HHLA2: variants seen among roughly 807,000 people sequenced by gnomAD.
HHLA2 encodes the protein HHLA2 member of B7 family, also known as HERV-H LTR-associating protein 2.
In HHLA2, 48 loss-of-function variants were observed where a neutral mutation model predicts 45.9. The ratio of observed to expected loss-of-function variants is 1.05; its 90% CI spans 0.83 to 1.33. The LOEUF is 1.33. HHLA2 is among the 40% of genes most tolerant of loss of function. The pLI, the probability that HHLA2 is intolerant of heterozygous loss-of-function variation, is 0.00. For synonymous variants in HHLA2, 161 were observed against 173.9 expected (o/e 0.93, Z 0.59); for missense variants, 462 against 494.3 (o/e 0.93, Z 0.62).
exon 8 of HHLA2, chr3:108,362,369 A>T: frequency 6.2e-7 from 1 of 1,612,766 alleles, no homozygotes; most frequent in Non-Finnish European, 8.5e-7. Flanking sequence ...GCTTCCCATA[A>T]CAAAGGCTTA....
At chr3:108,318,521 G>A (rs534826333) in intron 2 of HHLA2, among the ~76,000 whole-genome samples, 12 of 152,240 alleles carry the variant, frequency 7.9e-5, no homozygotes, top group African/African-American at 1.2e-4. Flanking sequence ...AACAATGCCT[G>A]CACTTAGCTA....
At chr3:108,372,644 A>C (rs2082199865) in intron 8 of HHLA2, among the ~76,000 whole-genome samples, 1 of 152,204 alleles carries the variant, frequency 6.6e-6, no homozygotes, top group Admixed American at 6.5e-5. Flanking sequence ...GATAAAGGGG[A>C]TATCACCACT....
chr3:108,323,333 AT>A (rs201520877), intron 2 of HHLA2, among the ~76,000 whole-genome samples: 5 of 152,290 alleles, frequency 3.3e-5, no homozygotes, highest in East Asian at 3.9e-4. Context: ...CCTATTCTCC[AT>A]GATGTGCTTA....
At chr3:108,360,829 G>T (rs148536911) in intron 7 of HHLA2, among the ~76,000 whole-genome samples, 1 of 152,160 alleles carries the variant, frequency 6.6e-6, no homozygotes, top group Non-Finnish European at 1.5e-5. Flanking sequence ...GGGATAAAGC[G>T]GACTCCTGCG....
chr3:108,302,310 CTG>C (rs1560178100), intron 1 of HHLA2, among the ~76,000 whole-genome samples: 1 of 152,180 alleles, frequency 6.6e-6, no homozygotes, highest in Non-Finnish European at 1.5e-5. Flanking sequence ...TTACTGGAAA[CTG>C]TAAATATTTT....
intron 2 of HHLA2, among the ~76,000 whole-genome samples, chr3:108,323,444 C>G (rs931424572): frequency 6.6e-6 from 1 of 151,932 alleles, no homozygotes; most frequent in African/African-American, 2.4e-5. Flanking sequence ...AAGAAAAATC[C>G]CTTCCCTAAA....
intron 3 of HHLA2, among the ~76,000 whole-genome samples, chr3:108,347,497 G>C (rs1194145599): frequency 1.3e-5 from 2 of 152,104 alleles, no homozygotes; most frequent in Non-Finnish European, 2.9e-5. Flanking sequence ...TTAAAGGCTT[G>C]GGATGCTAGG....
chr3:108,353,371 C>A, intron 4 of HHLA2, 56 bp from the exon 4 acceptor site: 1 of 1,172,158 alleles, frequency 8.5e-7, no homozygotes, highest in Non-Finnish European at 1.2e-6. Context: ...CTGGTATAAT[C>A]CTGAACAAGC....
intron 6 of HHLA2, among the ~76,000 whole-genome samples, chr3:108,356,161 C>T (rs2081888236): frequency 6.6e-6 from 1 of 151,138 alleles, no homozygotes; most frequent in African/African-American, 2.4e-5. Context: ...TCCTGAGTAG[C>T]TGGGATTACA....
intron 3 of HHLA2, among the ~76,000 whole-genome samples, chr3:108,343,526 T>C (rs182468306): frequency 6.6e-6 from 1 of 152,350 alleles, no homozygotes; most frequent in East Asian, 1.9e-4. Flanking sequence ...TTTTAAAGTA[T>C]CACTTAATAA....
chr3:108,358,910 G>A (rs1211820273), intron 7 of HHLA2, among the ~76,000 whole-genome samples: 2 of 152,062 alleles, frequency 1.3e-5, no homozygotes, highest in East Asian at 3.9e-4. Context: ...TTGAAGTTTT[G>A]GTGATTCTAC....
intron 8 of HHLA2, among the ~76,000 whole-genome samples, chr3:108,365,751 A>C (rs184673194): frequency 6.6e-6 from 1 of 152,330 alleles, no homozygotes; most frequent in African/African-American, 2.4e-5. Flanking sequence ...AGCAATTGTG[A>C]ATGGGAGTTC....
rs541700038 is a variant in HHLA2, at chr3:108,377,303, T to A, written c.*25T>A. 35 of 1,560,394 alleles carry A rather than the reference T, an allele frequency of 2.2e-5. 1 individual carries two copies. Among genetic ancestry groups the A allele is most frequent in the Non-Finnish European group, 2.8e-5 (32 of 1,134,690 alleles). On this transcript the variant is annotated 3_prime_UTR_variant, in exon 11 of 11. Transcript: ENST00000619531. ...GGAAATGAGAGAAGACTGTGACAAC[T>A]CATGACCTGCATCCTTAATATCCAG...
intron 2 of HHLA2, among the ~76,000 whole-genome samples, chr3:108,315,023 T>G (rs1468210266): frequency 2.0e-5 from 3 of 152,206 alleles, no homozygotes; most frequent in African/African-American, 7.2e-5. Context: ...CCAAAATTTA[T>G]TTTCAGCTCT....
chr3:108,350,696 C>A (rs1020291318), intron 3 of HHLA2, among the ~76,000 whole-genome samples: 6 of 151,780 alleles, frequency 4.0e-5, no homozygotes, highest in Non-Finnish European at 7.4e-5. Flanking sequence ...TTTATTGTTA[C>A]TTTTTTGAGA....
chr3:108,325,868 T>A (rs1257888221), intron 2 of HHLA2: 4 of 399,940 alleles, frequency 1.0e-5, no homozygotes, highest in African/African-American at 2.1e-5. Context: ...AGAACTACTT[T>A]GACCTCTTTG....
At chr3:108,337,733 A>G (rs2081498025) in intron 3 of HHLA2, among the ~76,000 whole-genome samples, 1 of 152,098 alleles carries the variant, frequency 6.6e-6, no homozygotes, top group South Asian at 2.1e-4. Context: ...TGTATGACAG[A>G]ACCCAGGAAG....
chr3:108,333,366 A>T (rs767352435), intron 3 of HHLA2, among the ~76,000 whole-genome samples: 2 of 152,192 alleles, frequency 1.3e-5, no homozygotes, highest in Non-Finnish European at 2.9e-5. Context: ...TATGAAAAGA[A>T]GTGAATGCCA....
intron 3 of HHLA2, among the ~76,000 whole-genome samples, chr3:108,344,385 AT>A (rs772769796): frequency 9.9e-5 from 15 of 151,990 alleles, no homozygotes; most frequent in South Asian, 4.2e-4. Context: ...ACAATAACTG[AT>A]TTTTTTTCAT....
Sources: allele counts gnomAD v4.1 joint callset (sites outside exome capture counted in the v4.1 genomes callset), GRCh38; gene constraint gnomAD v4.1.1; transcripts MANE v1.5; gene names NCBI Gene and HGNC (gene_info 2026-07-23, HGNC 2026-07-21).